The following SLC25A13 variants were observed in gnomAD, a reference collection of about 807,000 sequenced individuals.
SLC25A13 encodes electrogenic aspartate/glutamate antiporter SLC25A13, mitochondrial.
In SLC25A13, 70 loss-of-function variants were observed where a neutral mutation model predicts 85.5. The observed-to-expected ratio is 0.82, with a 90% CI of 0.68 to 1.00. The LOEUF is 1.00. SLC25A13 is among the 50% of genes least tolerant of loss of function. The probability of loss-of-function intolerance (pLI) is 0.00; values close to 1 mark genes in which losing one functional copy is unlikely to be tolerated. For missense variants in SLC25A13, 765 were observed against 819.8 expected (o/e 0.93, Z 0.82); for synonymous variants, 259 against 288.7 (o/e 0.90, Z 1.04).
chr7:96,134,329 G>A (rs950188263), intron 14 of SLC25A13, among the ~76,000 whole-genome samples: 2 of 152,072 alleles, frequency 1.3e-5, no homozygotes, highest in South Asian at 2.1e-4. Flanking sequence ...GAGCCACTGC[G>A]CCTGGCCACT....
At chr7:96,235,316 G>A (rs1796705680) in intron 3 of SLC25A13, among the ~76,000 whole-genome samples, 1 of 151,890 alleles carries the variant, frequency 6.6e-6, no homozygotes, top group Non-Finnish European at 1.5e-5. Context: ...TATACACCAT[G>A]CAAAAAACGG....
intron 14 of SLC25A13, among the ~76,000 whole-genome samples, chr7:96,136,162 T>C (rs1335216151): frequency 6.6e-6 from 1 of 152,148 alleles, no homozygotes; most frequent in African/African-American, 2.4e-5. Context: ...CAATTCTATA[T>C]CATGCCAAAG....
In SLC25A13 at chr7:96,123,517, A is replaced by G. The variant is rs1016694001; in HGVS notation, c.1592-1520T>C. Among the ~76,000 whole-genome samples the G allele has an allele frequency of 7.9e-5, 12 of 152,304 alleles. No homozygotes were observed. The East Asian group carries it at 2.1e-3, about 27-fold the overall frequency. Reference sequence around the variant, plus strand: ...TTCATAAACTCTTCTTTGTTATGAAAATAGAGGTACTGGGGGTGAAGGAAG... The same window carrying G: ...TTCATAAACTCTTCTTTGTTATGAAGATAGAGGTACTGGGGGTGAAGGAAG... On this transcript the variant is annotated intron_variant, in intron 15 of 17. Coordinates refer to ENST00000265631, the MANE Select transcript of SLC25A13 (RefSeq NM_014251.3).
intron 1 of SLC25A13, among the ~76,000 whole-genome samples, chr7:96,313,993 T>C (rs894998062): frequency 5.3e-5 from 8 of 152,122 alleles, no homozygotes; most frequent in Non-Finnish European, 1.2e-4. Flanking sequence ...TTTTGAAGAT[T>C]AGGGTAAAGT....
intron 4 of SLC25A13, among the ~76,000 whole-genome samples, chr7:96,230,530 A>G (rs1170335982): frequency 2.6e-5 from 4 of 152,228 alleles, no homozygotes; most frequent in Non-Finnish European, 5.9e-5. Flanking sequence ...AAATGGAAAC[A>G]TTTAATTTTT....
chr7:96,212,008 T>C (rs1204781768), intron 4 of SLC25A13, among the ~76,000 whole-genome samples: 4 of 152,146 alleles, frequency 2.6e-5, no homozygotes, highest in African/African-American at 9.7e-5. Flanking sequence ...AACTTCTCAT[T>C]GAAATGGATA....
At chr7:96,154,328 ACT>A (rs1793167633) in intron 13 of SLC25A13, among the ~76,000 whole-genome samples, 1 of 139,434 alleles carries the variant, frequency 7.2e-6, no homozygotes, top group South Asian at 2.2e-4. Flanking sequence ...ACAGAGTCTC[ACT>A]CTCTTACCCA....
intron 4 of SLC25A13, among the ~76,000 whole-genome samples, chr7:96,224,040 C>A (rs553879227): frequency 6.6e-6 from 1 of 152,074 alleles, no homozygotes; most frequent in African/African-American, 2.4e-5. Context: ...TTGCACCCCC[C>A]GCAACATTAA....
At chr7:96,244,688 T>C (rs1584505362) in intron 3 of SLC25A13, among the ~76,000 whole-genome samples, 1 of 152,210 alleles carries the variant, frequency 6.6e-6, no homozygotes, top group East Asian at 1.9e-4. Flanking sequence ...TGGCATTCCC[T>C]GGAGTGCATG....
intron 1 of SLC25A13, chr7:96,306,731 T>C (rs1399703151): frequency 5.8e-6 from 6 of 1,043,270 alleles, no homozygotes; most frequent in Non-Finnish European, 8.7e-6. Flanking sequence ...CCATCTTCTC[T>C]TTTGTGCCCT....
intron 2 of SLC25A13, among the ~76,000 whole-genome samples, chr7:96,284,214 A>G (rs1427260477): frequency 2.0e-5 from 3 of 152,148 alleles, no homozygotes; most frequent in Admixed American, 6.5e-5. Flanking sequence ...AAGGGGAAAA[A>G]AAATTATATA....
At chr7:96,125,602 A>G (rs2116399199) in intron 15 of SLC25A13, among the ~76,000 whole-genome samples, 1 of 152,116 alleles carries the variant, frequency 6.6e-6, no homozygotes, top group East Asian at 1.9e-4. Flanking sequence ...TCTTCTATTG[A>G]TTCATTTTCT....
chr7:96,247,562 G>T (rs1797246600), intron 3 of SLC25A13, among the ~76,000 whole-genome samples: 1 of 152,006 alleles, frequency 6.6e-6, no homozygotes, highest in African/African-American at 2.4e-5. Context: ...AAAGATTATT[G>T]TACCCTCTTT....
chr7:96,236,603 T>C (rs1006007445), intron 3 of SLC25A13, among the ~76,000 whole-genome samples: 6 of 152,224 alleles, frequency 3.9e-5, no homozygotes, highest in Admixed American at 3.9e-4. Flanking sequence ...CTCCTCATTT[T>C]ACTTGTGAGG....
At chr7:96,190,293 G>A (rs1461924952) in intron 7 of SLC25A13, among the ~76,000 whole-genome samples, 6 of 151,802 alleles carry the variant, frequency 4.0e-5, no homozygotes, top group African/African-American at 7.3e-5. Context: ...GGGTTTCACC[G>A]TGTTAGCCAG....
At chr7:96,244,866 AT>A (rs1338919494) in intron 3 of SLC25A13, among the ~76,000 whole-genome samples, 1 of 152,202 alleles carries the variant, frequency 6.6e-6, no homozygotes, top group Non-Finnish European at 1.5e-5. Flanking sequence ...CCTATTAAAG[AT>A]TTTTATTGGC....
intron 14 of SLC25A13, among the ~76,000 whole-genome samples, chr7:96,135,441 C>A (rs933610011): frequency 1.3e-5 from 2 of 152,166 alleles, no homozygotes; most frequent in African/African-American, 4.8e-5. Flanking sequence ...AGGCAGGTGC[C>A]AATTTGTAAG....
At chr7:96,183,612 C>T (rs980106894) in intron 11 of SLC25A13, among the ~76,000 whole-genome samples, 24 of 152,172 alleles carry the variant, frequency 1.6e-4, no homozygotes, top group Non-Finnish European at 2.1e-4. Context: ...TCGGCCAATG[C>T]CAGTGGAAAA....
intron 3 of SLC25A13, among the ~76,000 whole-genome samples, chr7:96,255,037 T>C (rs981701088): frequency 6.6e-6 from 1 of 152,206 alleles, no homozygotes; most frequent in African/African-American, 2.4e-5. Context: ...TATATATATA[T>C]TAAGTTGGTG....
Sources: allele counts gnomAD v4.1 joint callset (sites outside exome capture counted in the v4.1 genomes callset), GRCh38; gene constraint gnomAD v4.1.1; transcripts MANE v1.5; gene names NCBI Gene and HGNC (gene_info 2026-07-23, HGNC 2026-07-21).